MYO6: variants seen among roughly 807,000 people sequenced by gnomAD.
The protein encoded by MYO6 is unconventional myosin-VI.
A neutral mutation model predicts 178.7 loss-of-function variants in MYO6; 74 were observed. That is an observed-to-expected ratio of 0.41 (90% CI 0.34 to 0.50). The LOEUF (loss-of-function observed/expected upper bound fraction) is 0.50, where lower values mean the gene tolerates loss of function less well. MYO6 is among the 20% of genes least tolerant of loss of function. The pLI, the probability that MYO6 is intolerant of heterozygous loss-of-function variation, is 0.09. For synonymous variants in MYO6, 477 were observed against 504.6 expected (o/e 0.95, Z 0.73); for missense variants, 1,330 against 1,547.4 (o/e 0.86, Z 2.36).
At position 75,908,557 on chromosome 6, in the gene MYO6, T is replaced by G. The variant is rs1479767569; in HGVS notation, c.3342T>G (p.Ala1114=). ...EFHRRLKVYH[A]WKSKNKKRNT... ...ATAGGAGACTAAAAGTGTATCATGC[T>G]TGGAAATCTAAGAACAAGAAGAGAA... The change falls in exon 32 of 35, where the codon GCT becomes GCG. Residue 1114 remains alanine, a synonymous_variant. Coordinates refer to ENST00000369977, the MANE Select transcript of MYO6 (RefSeq NM_004999.4). 2 of 1,613,508 alleles carry G rather than the reference T, an allele frequency of 1.2e-6. No homozygotes were observed. The highest frequency in any genetic ancestry group is 2.7e-5 in the African/African-American group (2 of 74,908).
chr6:75,892,650 C>T lies in MYO6; in HGVS notation c.3067C>T (p.Leu1023Phe), dbSNP rs964559811. 6.2e-7 allele frequency: 1 copy of T among 1,612,696 alleles called. No individual in the cohort carries two copies. The highest frequency in any genetic ancestry group is 1.3e-5 in the African/African-American group (1 of 74,874). Residue 1023 changes from leucine (L) to phenylalanine (F), a missense_variant, in exon 28 of 35, where the codon CTC becomes TTC. Coordinates refer to ENST00000369977, the MANE Select transcript of MYO6 (RefSeq NM_004999.4). ...ALRIAQSEAE[L>F]ISDEAQADLA... ...GAGGATTGCCCAGAGTGAAGCCGAG[C>T]TCATCAGTGATGAGGCCCAGGCCGA...
intron 16 of MYO6, 132 bp downstream of exon 16, chr6:75,862,855 A>G (rs1329790456): frequency 6.8e-6 from 7 of 1,030,556 alleles, no homozygotes; most frequent in Middle Eastern, 2.1e-4. Flanking sequence ...TATTATATCC[A>G]GCACAGTATC....
At chr6:75,795,598 C>T (rs139254435) in intron 1 of MYO6, among the ~76,000 whole-genome samples, 217 of 152,266 alleles carry the variant, frequency 1.4e-3, no homozygotes, top group African/African-American at 5.1e-3. Context: ...GCATACTATT[C>T]CACTGGGAGA....
chr6:75,898,347 A>G, intron 29 of MYO6, 26 bp from the exon 30 acceptor site: 2 of 1,540,090 alleles, frequency 1.3e-6, no homozygotes, highest in Non-Finnish European at 1.8e-6. Flanking sequence ...TTATGTAACC[A>G]TATTGTATTA....
At chr6:75,893,975 C>T (rs190759312) in intron 28 of MYO6, among the ~76,000 whole-genome samples, 5 of 152,300 alleles carry the variant, frequency 3.3e-5, no homozygotes, top group East Asian at 1.9e-4. Flanking sequence ...ACTGACTAGC[C>T]GCCTAGGGCA....
intron 1 of MYO6, among the ~76,000 whole-genome samples, chr6:75,750,261 A>T (rs904365956): frequency 2.0e-5 from 3 of 151,782 alleles, no homozygotes; most frequent in Admixed American, 6.6e-5. Context: ...CGCCTGGCTA[A>T]TTTTTTTGTA....
chr6:75,774,438 T>G (rs1253444718), intron 1 of MYO6, among the ~76,000 whole-genome samples: 2 of 152,178 alleles, frequency 1.3e-5, no homozygotes, highest in Admixed American at 6.5e-5. Context: ...CATTTCTGTC[T>G]TTCTACCACT....
At position 75,885,522 on chromosome 6, in the gene MYO6, C is replaced by T. The variant is rs1345770791; in HGVS notation, c.2417-482C>T. On this transcript the variant is annotated intron_variant, in intron 23 of 34. Transcript: ENST00000369977. ...GGAGTGCAGTGGCACGATCTCAGCT[C>T]ACCGCAAGCTCCGCCTCCCGGGTTC... Among the ~76,000 whole-genome samples, 4 of 152,012 alleles carry T rather than the reference C, an allele frequency of 2.6e-5. No individual in the cohort carries two copies. The East Asian group carries it at 7.8e-4, about 29-fold the overall frequency.
chr6:75,787,708 C>A (rs1583073704), intron 1 of MYO6, among the ~76,000 whole-genome samples: 1 of 72,000 alleles, frequency 1.4e-5, no homozygotes, highest in African/African-American at 5.0e-5. Context: ...CTCTCTCTCT[C>A]TCTCTCTCTC....
At chr6:75,775,288 C>T (rs573646017) in intron 1 of MYO6, among the ~76,000 whole-genome samples, 1 of 152,140 alleles carries the variant, frequency 6.6e-6, no homozygotes, top group Non-Finnish European at 1.5e-5. Flanking sequence ...AATAGCCGAG[C>T]TGAGCAAATT....
intron 30 of MYO6, among the ~76,000 whole-genome samples, chr6:75,905,426 AT>A (rs1012385897): frequency 2.0e-5 from 3 of 152,138 alleles, no homozygotes; most frequent in African/African-American, 4.8e-5. Context: ...CTGGTGCGCC[AT>A]TTTTTTAAGC....
At position 75,907,749 on chromosome 6, in the gene MYO6, G is replaced by C. The variant is rs531018040; in HGVS notation, c.3280+41G>C. ...AGATCAAAAATAGAAAATGTTCATA[G>C]TGATAGGTGATAAATACCTAGATTA... On this transcript the variant is annotated intron_variant, in intron 31 of 34. Coordinates refer to ENST00000369977, the MANE Select transcript of MYO6 (RefSeq NM_004999.4). The C allele has an allele frequency of 5.5e-5, 81 of 1,471,918 alleles. 2 individuals are homozygous for C. The Middle Eastern group carries it at 5.5e-3, about 101-fold the overall frequency. 91.2% of individuals were successfully genotyped at this position (1,471,918 alleles called of 1,614,324 possible).
chr6:75,883,782 C>T (rs1408819355), intron 23 of MYO6, among the ~76,000 whole-genome samples: 1 of 151,988 alleles, frequency 6.6e-6, no homozygotes, highest in African/African-American at 2.4e-5. Flanking sequence ...TACAGTTGCC[C>T]CTTATACTCA....
At position 75,908,546 on chromosome 6, in the gene MYO6, G is replaced by A. The variant is rs372366980; in HGVS notation, c.3331G>A (p.Val1111Met). The A allele has an allele frequency of 1.5e-5, 25 of 1,613,330 alleles. No individual in the cohort carries two copies. Among genetic ancestry groups the A allele is most frequent in the Non-Finnish European group, 1.9e-5 (23 of 1,179,676 alleles). ...AGAAGAATTTCATAGGAGACTAAAA[G>A]TGTATCATGCTTGGAAATCTAAGAA... ...CREEFHRRLK[V>M]YHAWKSKNKK... is the part of the protein sequence containing the mutation. Residue 1111 changes from valine (V) to methionine (M), a missense_variant, in exon 32 of 35, where the codon GTG (valine) becomes ATG (methionine). Physicochemically the swap from Val to Met is conservative, Grantham distance 21 (BLOSUM62 1). Transcript: ENST00000369977.
At chr6:75,866,656 A>G in intron 17 of MYO6, 35 bp downstream of exon 17, 2 of 1,523,504 alleles carry the variant, frequency 1.3e-6, no homozygotes, top group Non-Finnish European at 1.8e-6. Context: ...AAACCATTTC[A>G]TGTTGAAGCT....
Position 75,841,296 on chromosome 6 carries a change from A to G in MYO6, c.734A>G (p.Tyr245Cys). The G allele has an allele frequency of 6.2e-7, 1 of 1,614,048 alleles. No individual in the cohort carries two copies. Among genetic ancestry groups the G allele is most frequent in the Non-Finnish European group, 8.5e-7 (1 of 1,179,916 alleles). Residue 245 changes from tyrosine (Y) to cysteine (C), a missense_variant, in exon 9 of 35, where the codon TAT becomes TGT. Around this residue, in one of 3 missense-constraint regions of MYO6, gnomAD observed 613 missense variants for 816.8 expected, o/e 0.75. Coordinates refer to ENST00000369977, the MANE Select transcript of MYO6 (RefSeq NM_004999.4). ...GTTCAAGGCAAAGAGGAAAGAAATT[A>G]TCATATCTTTTATAGGTTGTGTGCT... ...ICVQGKEERN[Y>C]HIFYRLCAGA...
intron 28 of MYO6, chr6:75,894,751 T>TA (rs1444842879): frequency 1.8e-5 from 21 of 1,169,946 alleles, no homozygotes; most frequent in Non-Finnish European, 2.5e-5. Flanking sequence ...TATGCTGTGT[T>TA]AAAAAATGTA....
At chr6:75,793,582 C>T (rs1338242544) in intron 1 of MYO6, among the ~76,000 whole-genome samples, 1 of 150,154 alleles carries the variant, frequency 6.7e-6, no homozygotes, top group Non-Finnish European at 1.5e-5. Context: ...CCAGCCTGGG[C>T]GACAGACACT....
chr6:75,870,143 G>A (rs938034596), intron 18 of MYO6, among the ~76,000 whole-genome samples: 2 of 151,812 alleles, frequency 1.3e-5, no homozygotes, highest in Non-Finnish European at 2.9e-5. Context: ...AGTTACAGAG[G>A]ATTTCTATAG....
Sources: allele counts gnomAD v4.1 joint callset (sites outside exome capture counted in the v4.1 genomes callset), GRCh38; gene constraint gnomAD v4.1.1; regional missense constraint gnomAD v4.1.1; transcripts MANE v1.5; gene names NCBI Gene and HGNC (gene_info 2026-07-23, HGNC 2026-07-21).